The following ANKFY1 variants were observed in gnomAD, a reference collection of about 807,000 sequenced individuals.
The protein encoded by ANKFY1 is ankyrin repeat and FYVE domain-containing protein 1.
A neutral mutation model predicts 128.3 loss-of-function variants in ANKFY1; 47 were observed. The ratio of observed to expected loss-of-function variants is 0.37; its 90% CI spans 0.29 to 0.47. The LOEUF is 0.47. ANKFY1 is among the 20% of genes least tolerant of loss of function. The probability of loss-of-function intolerance (pLI) is 1.00; values close to 1 mark genes in which losing one functional copy is unlikely to be tolerated. For missense variants in ANKFY1, 1,222 were observed against 1,510.6 expected (o/e 0.81, Z 3.17); for synonymous variants, 553 against 601.6 (o/e 0.92, Z 1.18).
At position 4,206,492 on chromosome 17, in the gene ANKFY1, C is replaced by G. The variant is rs773159190; in HGVS notation, c.733-6G>C. ...TCATTCAGCTTCCCAGGGAGCTACA[C>G]AAACAAGTTTGTAAATTAGCGCCCA... On this transcript the variant is annotated splice_polypyrimidine_tract_variant and splice_region_variant and intron_variant, in intron 6 of 24. Transcript: ENST00000341657. 1 of 1,605,678 alleles carries G rather than the reference C, an allele frequency of 6.2e-7. No homozygotes were observed. The highest frequency in any genetic ancestry group is 1.3e-5 in the African/African-American group (1 of 74,766).
intron 4 of ANKFY1, 111 bp from the exon 5 acceptor site, chr17:4,210,058 T>G (rs1258022116): frequency 6.2e-6 from 6 of 972,416 alleles, no homozygotes; most frequent in Non-Finnish European, 8.9e-6. Flanking sequence ...AATAACACTA[T>G]GGGATAAGGT....
intron 3 of ANKFY1, among the ~76,000 whole-genome samples, chr17:4,217,729 G>A (rs189958041): frequency 6.6e-5 from 10 of 152,148 alleles, no homozygotes; most frequent in African/African-American, 2.2e-4. Flanking sequence ...ACGTCACCCA[G>A]GCTGGAATGC....
At chr17:4,257,253 T>C (rs1338612835) in intron 1 of ANKFY1, among the ~76,000 whole-genome samples, 4 of 152,140 alleles carry the variant, frequency 2.6e-5, no homozygotes, top group Non-Finnish European at 5.9e-5. Context: ...CTCTACCAAA[T>C]GGCTCACCAT....
At chr17:4,212,503 CG>C in intron 4 of ANKFY1, among the ~76,000 whole-genome samples, 1 of 152,274 alleles carries the variant, frequency 6.6e-6, no homozygotes, top group Middle Eastern at 3.4e-3. Context: ...TAAATATGCT[CG>C]GAAGTTTGAG....
At chr17:4,201,263 C>T (rs2059922902) in intron 7 of ANKFY1, among the ~76,000 whole-genome samples, 1 of 152,214 alleles carries the variant, frequency 6.6e-6, no homozygotes, top group Non-Finnish European at 1.5e-5. Flanking sequence ...AACTCCTGGC[C>T]TCAAGTGATC....
At chr17:4,202,316 G>A (rs1402265281) in intron 7 of ANKFY1, among the ~76,000 whole-genome samples, 4 of 151,440 alleles carry the variant, frequency 2.6e-5, no homozygotes, top group African/African-American at 7.3e-5. Flanking sequence ...CAGGAGAATC[G>A]CTTGAACCCG....
intron 11 of ANKFY1, chr17:4,186,859 A>G: frequency 3.9e-6 from 4 of 1,017,550 alleles, no homozygotes; most frequent in Non-Finnish European, 4.7e-6. Flanking sequence ...CCATTCTTGC[A>G]TCTAATTTTC....
chr17:4,182,158 G>A lies in ANKFY1; in HGVS notation c.2121+23C>T, dbSNP rs1316565329. The stretch of plus-strand genomic sequence containing the variant: ...CAACATATCCCCATCTGTAAACAGA[G>A]GCTAACGTTGTGCCTGTCTCACCAG... On this transcript the variant is annotated intron_variant, in intron 15 of 24. Transcript: ENST00000341657. The A allele has an allele frequency of 2.0e-6, 3 of 1,464,938 alleles. No individual in the cohort carries two copies. In the Admixed American group the frequency reaches 6.0e-5, roughly 30 times the overall value. 90.7% of individuals were successfully genotyped at this position (1,464,938 alleles called of 1,614,324 possible).
chr17:4,190,935 C>T (rs1243255807), intron 10 of ANKFY1, among the ~76,000 whole-genome samples: 3 of 152,054 alleles, frequency 2.0e-5, no homozygotes, highest in Non-Finnish European at 4.4e-5. Context: ...CTCAGGAGTT[C>T]GAGACAAGCC....
chr17:4,223,868 C>T (rs2060372249), intron 3 of ANKFY1: 9 of 913,290 alleles, frequency 9.9e-6, no homozygotes, highest in Non-Finnish European at 1.5e-5. Flanking sequence ...GAGAAAGGTG[C>T]CTGTCATGGA....
chr17:4,227,131 G>A (rs1488311281), intron 3 of ANKFY1, among the ~76,000 whole-genome samples: 3 of 152,100 alleles, frequency 2.0e-5, no homozygotes. Flanking sequence ...CTTCAGTGGT[G>A]AATTCTATCA....
intron 7 of ANKFY1, among the ~76,000 whole-genome samples, chr17:4,200,015 C>T (rs1326676086): frequency 1.3e-5 from 2 of 151,972 alleles, no homozygotes; most frequent in African/African-American, 4.8e-5. Flanking sequence ...TCTCAGTAGC[C>T]TCCAGGTGGC....
Position 4,263,966 on chromosome 17 carries a change from C to T in ANKFY1, c.-25G>A, listed in dbSNP as rs753717893. The T allele has an allele frequency of 6.2e-7, 1 of 1,613,984 alleles. No individual in the cohort carries two copies. Among genetic ancestry groups the T allele is most frequent in the Non-Finnish European group, 8.5e-7 (1 of 1,179,952 alleles). Reference sequence around the variant, plus strand: ...TGTCTGGCCCGGCACTGCCTGCAACCTCGCGAGAAGTGCGCGGCTCAACCG... The same window carrying T: ...TGTCTGGCCCGGCACTGCCTGCAACTTCGCGAGAAGTGCGCGGCTCAACCG... On this transcript the variant is annotated 5_prime_UTR_variant, in exon 1 of 25. Transcript: ENST00000341657.
chr17:4,263,498 G>A (rs977339723), intron 1 of ANKFY1: 2 of 888,238 alleles, frequency 2.3e-6, no homozygotes, highest in Non-Finnish European at 3.1e-6. Flanking sequence ...AACCCAGCCC[G>A]AGGAGACCCA....
intron 4 of ANKFY1, chr17:4,216,602 A>T (rs2060224143): frequency 3.3e-6 from 1 of 305,140 alleles, no homozygotes; most frequent in African/African-American, 2.2e-5. Context: ...TGTTTCCAAC[A>T]AAGAGACTAT....
intron 8 of ANKFY1, among the ~76,000 whole-genome samples, chr17:4,196,614 G>A (rs1454737827): frequency 1.3e-5 from 2 of 152,202 alleles, no homozygotes; most frequent in Non-Finnish European, 2.9e-5. Context: ...GCCGTGCTAT[G>A]GACAAAGGTA....
At chr17:4,246,651 C>T (rs1342137894) in intron 1 of ANKFY1, among the ~76,000 whole-genome samples, 2 of 152,230 alleles carry the variant, frequency 1.3e-5, no homozygotes, top group Non-Finnish European at 2.9e-5. Flanking sequence ...GTTTCAATCA[C>T]ACCATATTCT....
At position 4,211,017 on chromosome 17, in the gene ANKFY1, G is replaced by C. The variant is rs117597078; in HGVS notation, c.459-1070C>G. ...ACTGCACTCCAGCCTGGGCAGCGGA[G>C]TGAGACTCCATCAACAACAACAACA... On this transcript the variant is annotated intron_variant, in intron 4 of 24. Transcript: ENST00000341657. Among the ~76,000 whole-genome samples the C allele has an allele frequency of 9.9e-3, 1,510 of 151,922 alleles. 23 individuals carry two copies. Among genetic ancestry groups the C allele is most frequent in the East Asian group, 0.071 (370 of 5,176 alleles).
At position 4,179,777 on chromosome 17, in the gene ANKFY1, C is replaced by T. The variant is rs775888674; in HGVS notation, c.2341G>A (p.Gly781Arg). 1 of 1,614,264 alleles carries T rather than the reference C, an allele frequency of 6.2e-7. No individual in the cohort carries two copies. The highest frequency in any genetic ancestry group is 8.5e-7 in the Non-Finnish European group (1 of 1,180,056). ...AGACACTGTACTGTCTCTTCCAGCC[C>T]CCAAGAGGCTGCCAAATGCAAAGGG... Reference protein sequence around the residue: ...QTPLHLAASWGLEETVQCLLE... With the variant: ...QTPLHLAASWRLEETVQCLLE... The change falls in exon 17 of 25, where the codon GGG (glycine) becomes AGG (arginine). Residue 781 changes from glycine (G) to arginine (R), a missense_variant. Physicochemically the swap from Gly to Arg is moderately radical, Grantham distance 125 (BLOSUM62 -2). Transcript: ENST00000341657.
Sources: gnomAD v4.1 joint callset for allele counts (sites outside exome capture counted in the v4.1 genomes callset) on GRCh38, gnomAD v4.1.1 for gene constraint, MANE v1.5 for transcripts, NCBI Gene and HGNC (gene_info 2026-07-23, HGNC 2026-07-21) for gene names.